C8orf34: variants seen among roughly 807,000 people sequenced by gnomAD.
C8orf34 encodes the protein chromosome 8 open reading frame 34, also known as uncharacterized protein C8orf34.
In C8orf34, 65 loss-of-function variants were observed where a neutral mutation model predicts 68.3. That is an observed-to-expected ratio of 0.95 (90% confidence interval 0.78 to 1.17). The LOEUF is 1.17. C8orf34 is among the 50% of genes most tolerant of loss of function. The pLI is 0.00. For missense variants in C8orf34, 664 were observed against 655.4 expected (o/e 1.01, Z -0.14); for synonymous variants, 244 against 241.2 (o/e 1.01, Z -0.11).
At chr8:68,336,613 G>A (rs1805861926) in intron 1 of C8orf34, among the ~76,000 whole-genome samples, 1 of 152,106 alleles carries the variant, frequency 6.6e-6, no homozygotes, top group Non-Finnish European at 1.5e-5. Context: ...ATATACTTAA[G>A]TGCATATACC....
intron 7 of C8orf34, among the ~76,000 whole-genome samples, chr8:68,610,682 TA>T (rs1419910249): frequency 6.6e-6 from 1 of 152,064 alleles, no homozygotes; most frequent in Non-Finnish European, 1.5e-5. Flanking sequence ...TCTCCGTTTT[TA>T]AGTTAGTTGG....
At chr8:68,401,356 A>T (rs1378138220) in intron 1 of C8orf34, among the ~76,000 whole-genome samples, 3 of 152,120 alleles carry the variant, frequency 2.0e-5, no homozygotes, top group African/African-American at 7.2e-5. Context: ...TCCAATTTGG[A>T]TGCCTTTTAT....
rs183139195 is a variant in C8orf34, at chr8:68,392,207, A to T, written c.328-47292A>T. Among the ~76,000 whole-genome samples, 24 of 151,996 alleles carry T rather than the reference A, an allele frequency of 1.6e-4. 1 individual carries two copies. Among genetic ancestry groups the T allele is most frequent in the Admixed American group, 9.8e-4 (15 of 15,264 alleles). ...TTTTTTTTCATTTAGGCCTTTAATA[A>T]ATCTGGAGTTTACTTTCCAATGGGT... On this transcript the variant is annotated intron_variant, in intron 1 of 13. Transcript: ENST00000518698.
chr8:68,586,022 G>T lies in C8orf34; in HGVS notation c.1105+52873G>T, dbSNP rs79049683. 7.6e-3 allele frequency among the ~76,000 whole-genome samples: 1,163 copies of T among 152,190 alleles called. 32 individuals are homozygous for T. In the East Asian group the frequency reaches 0.088, roughly 12 times the overall value. The stretch of plus-strand genomic sequence containing the variant: ...GGGGACCTTTGGGACCATCTTGGAG[G>T]CTGGTTACCACCTATTAATACAAAG... On this transcript the variant is annotated intron_variant, in intron 7 of 13. Coordinates refer to ENST00000518698, the MANE Select transcript of C8orf34 (RefSeq NM_052958.4).
At chr8:68,783,546 A>G (rs1277112878) in intron 11 of C8orf34, among the ~76,000 whole-genome samples, 1 of 149,010 alleles carries the variant, frequency 6.7e-6, no homozygotes, top group Admixed American at 6.7e-5. Context: ...AAAAAAAAAA[A>G]GGAAGCATAT....
At chr8:68,358,455 A>G (rs745653311) in intron 1 of C8orf34, among the ~76,000 whole-genome samples, 3 of 151,412 alleles carry the variant, frequency 2.0e-5, no homozygotes, top group South Asian at 2.1e-4. Context: ...AGATGACTCA[A>G]TCCCAATAGC....
intron 8 of C8orf34, among the ~76,000 whole-genome samples, chr8:68,690,896 T>C (rs1820667524): frequency 6.6e-6 from 1 of 152,054 alleles, no homozygotes; most frequent in Non-Finnish European, 1.5e-5. Flanking sequence ...AAGGCCTGTT[T>C]GTATAGAACT....
chr8:68,499,436 C>T lies in C8orf34; in HGVS notation c.765+11385C>T, dbSNP rs117292316. Reference sequence around the variant, plus strand: ...AATAATAATGGAAATGTGTTATAGCCCATTAAATACAATAATAATCCGTAT... The same window carrying T: ...AATAATAATGGAAATGTGTTATAGCTCATTAAATACAATAATAATCCGTAT... On this transcript the variant is annotated intron_variant, in intron 5 of 13. Transcript: ENST00000518698. 1.6e-4 allele frequency among the ~76,000 whole-genome samples: 24 copies of T among 152,148 alleles called. No homozygotes were observed. In the East Asian group the frequency reaches 4.6e-3, roughly 29 times the overall value.
chr8:68,521,866 A>C lies in C8orf34; in HGVS notation c.833A>C (p.Glu278Ala). Residue 278 changes from glutamate to alanine, a missense_variant, in exon 6 of 14, where the codon GAA becomes GCA. Transcript: ENST00000518698. ...RVIGEWIGRE[E>A]NDADPLAAEM... ...ATTGGAGAATGGATTGGTAGAGAAGAAAATGATGCTGATCCCCTAGCTGCT... is the reference window on the plus strand; with the variant it reads ...ATTGGAGAATGGATTGGTAGAGAAGCAAATGATGCTGATCCCCTAGCTGCT... The C allele has an allele frequency of 1.2e-6, 2 of 1,614,110 alleles. No individual in the cohort carries two copies. The highest frequency in any genetic ancestry group is 1.7e-6 in the Non-Finnish European group (2 of 1,179,982).
chr8:68,385,980 G>T (rs1808242767), intron 1 of C8orf34, among the ~76,000 whole-genome samples: 4 of 152,018 alleles, frequency 2.6e-5, no homozygotes, highest in Admixed American at 2.0e-4. Flanking sequence ...GCTCTTTGTG[G>T]TCTCAACCTC....
intron 12 of C8orf34, among the ~76,000 whole-genome samples, chr8:68,809,988 C>T (rs2958321): frequency 0.39 from 59,837 of 152,112 alleles, 12,274 homozygotes; most frequent in African/African-American, 0.5. Context: ...GGAGAGCTAA[C>T]TGAATAATAA....
intron 9 of C8orf34, among the ~76,000 whole-genome samples, chr8:68,712,465 T>C (rs1189467546): frequency 6.6e-6 from 1 of 152,066 alleles, no homozygotes; most frequent in African/African-American, 2.4e-5. Flanking sequence ...ACATAAGGAC[T>C]CATATAAACT....
chr8:68,459,868 A>T (rs1811720041), intron 3 of C8orf34, among the ~76,000 whole-genome samples: 1 of 152,326 alleles, frequency 6.6e-6, no homozygotes, highest in African/African-American at 2.4e-5. Context: ...GTGACGCAGA[A>T]GACAGGTGAT....
intron 5 of C8orf34, among the ~76,000 whole-genome samples, chr8:68,515,826 CCT>C (rs1460601306): frequency 6.6e-6 from 1 of 152,128 alleles, no homozygotes; most frequent in Non-Finnish European, 1.5e-5. Flanking sequence ...GATGTACTGG[CCT>C]TCAGCCAGTA....
chr8:68,786,679 G>T (rs1823855327), intron 11 of C8orf34, among the ~76,000 whole-genome samples: 1 of 152,146 alleles, frequency 6.6e-6, no homozygotes, highest in East Asian at 1.9e-4. Flanking sequence ...AGAATAGTAT[G>T]ATAGAACATG....
intron 8 of C8orf34, among the ~76,000 whole-genome samples, chr8:68,701,769 C>T (rs1191053000): frequency 6.6e-6 from 1 of 152,046 alleles, no homozygotes; most frequent in African/African-American, 2.4e-5. Context: ...CTAGATTATT[C>T]ATCATCAAAT....
chr8:68,635,732 G>T (rs958599028), intron 7 of C8orf34, among the ~76,000 whole-genome samples: 2 of 152,116 alleles, frequency 1.3e-5, no homozygotes. Context: ...CTCCTACACA[G>T]CACTGTACAG....
At chr8:68,393,734 T>C (rs1296687045) in intron 1 of C8orf34, among the ~76,000 whole-genome samples, 3 of 152,094 alleles carry the variant, frequency 2.0e-5, no homozygotes, top group Non-Finnish European at 4.4e-5. Context: ...CTTTAGGAGT[T>C]TGGACTTGAT....
chr8:68,376,002 A>G (rs757166352), intron 1 of C8orf34, among the ~76,000 whole-genome samples: 2 of 152,212 alleles, frequency 1.3e-5, no homozygotes, highest in South Asian at 4.1e-4. Flanking sequence ...AGTGCCTACA[A>G]TATACCATGA....
Sources: allele counts gnomAD v4.1 joint callset (sites outside exome capture counted in the v4.1 genomes callset), GRCh38; gene constraint gnomAD v4.1.1; transcripts MANE v1.5; gene names NCBI Gene and HGNC (gene_info 2026-07-23, HGNC 2026-07-21).